Variants in PTPRZ1 observed in about 807,000 individuals in gnomAD.
PTPRZ1 encodes the protein receptor-type tyrosine-protein phosphatase zeta.
PTPRZ1 carries 82 observed loss-of-function variants against 214.1 expected under a neutral mutation model. The observed-to-expected ratio is 0.38, with a 90% CI of 0.32 to 0.46. The LOEUF is 0.46. Among genes scored for constraint, PTPRZ1 ranks in the 20% least tolerant of loss-of-function variants. The probability of loss-of-function intolerance (pLI) is 1.00; values close to 1 mark genes in which losing one functional copy is unlikely to be tolerated. For missense variants in PTPRZ1, 2,603 were observed against 2,748.7 expected, an observed-to-expected ratio of 0.95 and a Z score of 1.19; for synonymous variants, 945 against 987.9, an observed-to-expected ratio of 0.96 and a Z score of 0.81.
intron 2 of PTPRZ1, among the ~76,000 whole-genome samples, chr7:121,958,080 C>G (rs1381611067): frequency 2.6e-5 from 4 of 152,158 alleles, no homozygotes; most frequent in African/African-American, 9.7e-5. Context: ...CATTTCTCAT[C>G]CTTGCGTCTG....
intron 1 of PTPRZ1, among the ~76,000 whole-genome samples, chr7:121,886,506 A>G (rs1794402418): frequency 6.6e-6 from 1 of 151,360 alleles, no homozygotes; most frequent in African/African-American, 2.4e-5. Context: ...CCGTAAAAAT[A>G]ACAACAAACC....
In PTPRZ1 at chr7:121,996,235, G is replaced by T. The variant is rs1798129684; in HGVS notation, c.929-147G>T. Reference sequence around the variant, plus strand: ...AAGAGTATTTTAGATATAGGAAATGGAATAAGCAAAAGCTCCACAGTGGGA... The same window carrying T: ...AAGAGTATTTTAGATATAGGAAATGTAATAAGCAAAAGCTCCACAGTGGGA... On this transcript the variant is annotated intron_variant, in intron 8 of 29. Coordinates refer to ENST00000393386, the MANE Select transcript of PTPRZ1 (RefSeq NM_002851.3). 8.9e-6 allele frequency: 5 copies of T among 563,902 alleles called. No homozygotes were observed. The South Asian group carries it at 1.6e-4, about 18-fold the overall frequency. 34.9% of individuals were successfully genotyped at this position (563,902 alleles called of 1,614,324 possible).
At chr7:122,014,845 A>G (rs773000119) in intron 12 of PTPRZ1, among the ~76,000 whole-genome samples, 1 of 152,218 alleles carries the variant, frequency 6.6e-6, no homozygotes, top group Non-Finnish European at 1.5e-5. Context: ...CTTTATCTTA[A>G]TGTTGCCTAA....
intron 11 of PTPRZ1, among the ~76,000 whole-genome samples, chr7:122,009,223 C>T (rs1190888114): frequency 2.0e-5 from 3 of 152,008 alleles, no homozygotes; most frequent in East Asian, 1.9e-4. Context: ...AGCTTGGAAT[C>T]GTGTGTTTCA....
chr7:121,964,586 A>T (rs1410128280), intron 2 of PTPRZ1, among the ~76,000 whole-genome samples: 1 of 151,896 alleles, frequency 6.6e-6, no homozygotes, highest in Non-Finnish European at 1.5e-5. Context: ...CATATCAAAC[A>T]CCGACTATGT....
chr7:121,995,072 A>G (rs138423000), intron 8 of PTPRZ1, among the ~76,000 whole-genome samples: 150 of 152,328 alleles, frequency 9.8e-4, no homozygotes, highest in African/African-American at 3.2e-3. Flanking sequence ...CATATTGTAC[A>G]TATGCTAAAA....
At chr7:121,943,188 A>G (rs924518922) in intron 2 of PTPRZ1, among the ~76,000 whole-genome samples, 2 of 152,210 alleles carry the variant, frequency 1.3e-5, no homozygotes, top group Non-Finnish European at 2.9e-5. Context: ...AACATTAAAG[A>G]TAATTAAATA....
intron 23 of PTPRZ1, among the ~76,000 whole-genome samples, chr7:122,048,352 AT>A (rs1485150800): frequency 6.6e-6 from 1 of 152,146 alleles, no homozygotes. Context: ...AGTAAATAAT[AT>A]TGAGATTAAA....
At chr7:122,027,161 G>A (rs1799227324) in intron 13 of PTPRZ1, among the ~76,000 whole-genome samples, 1 of 152,138 alleles carries the variant, frequency 6.6e-6, no homozygotes, top group Non-Finnish European at 1.5e-5. Context: ...GCGGCATTTG[G>A]GCCAATGCAA....
rs143455558 is a variant in PTPRZ1 at position 122,013,587 on chromosome 7, A to C, written c.4541A>C (p.Lys1514Thr). Residue 1514 changes from lysine to threonine, a missense_variant, in exon 12 of 30, where the codon AAG becomes ACG. Transcript: ENST00000393386. ...CCATCAGCAAATGGGCTATCCCAAA[A>C]GCACAATGATGGAAAAGAGGAAAAT... ...KSPSANGLSQ[K>T]HNDGKEENDI... is the part of the protein sequence containing the mutation. The C allele has an allele frequency of 6.2e-7, 1 of 1,614,128 alleles. No homozygotes were observed. Among genetic ancestry groups the C allele is most frequent in the African/African-American group, 1.3e-5 (1 of 74,934 alleles).
At chr7:121,985,934 T>A in intron 8 of PTPRZ1, among the ~76,000 whole-genome samples, 1 of 152,298 alleles carries the variant, frequency 6.6e-6, no homozygotes, top group African/African-American at 2.4e-5. Context: ...ATGGCCAAAC[T>A]AAAGTAAAGC....
intron 8 of PTPRZ1, among the ~76,000 whole-genome samples, chr7:121,995,856 A>G (rs575355440): frequency 5.3e-5 from 8 of 152,312 alleles, no homozygotes; most frequent in Non-Finnish European, 1.0e-4. Flanking sequence ...ATATATTTTC[A>G]GGTACCAAAC....
intron 2 of PTPRZ1, among the ~76,000 whole-genome samples, chr7:121,944,240 CCTAG>C (rs1179173766): frequency 6.6e-6 from 1 of 152,066 alleles, no homozygotes; most frequent in African/African-American, 2.4e-5. Context: ...CACATTTATC[CCTAG>C]CAATTTCCAA....
At chr7:122,010,170 A>T (rs999988487) in intron 11 of PTPRZ1, among the ~76,000 whole-genome samples, 164 bp from the exon 12 acceptor site, 4 of 152,138 alleles carry the variant, frequency 2.6e-5, no homozygotes, top group African/African-American at 2.4e-5. Flanking sequence ...TGTAGAGCGG[A>T]TGGTAAAGGT....
In PTPRZ1 at chr7:122,011,336, A is replaced by G; in HGVS notation, c.2290A>G (p.Ser764Gly). ...TGAGACACCTCTTCAACCTTCCTAC[A>G]GTAGTGAAGTCTTTCCTCTAGTCAC... ...NGETPLQPSYSSEVFPLVTPL... is the reference protein window; with the variant it reads ...NGETPLQPSYGSEVFPLVTPL... Residue 764 changes from serine (S) to glycine (G), a missense_variant, in exon 12 of 30, where the codon AGT (serine) becomes GGT (glycine). Around this residue, in one of 6 missense-constraint regions of PTPRZ1, gnomAD observed 1,913 missense variants for 1,914.3 expected, o/e 1.00. Coordinates refer to ENST00000393386, the MANE Select transcript of PTPRZ1 (RefSeq NM_002851.3). 1 of 1,614,178 alleles carries G rather than the reference A, an allele frequency of 6.2e-7. No individual in the cohort carries two copies. The highest frequency in any genetic ancestry group is 8.5e-7 in the Non-Finnish European group (1 of 1,180,018).
chr7:121,976,159 T>G lies in PTPRZ1; in HGVS notation c.457-14T>G. On this transcript the variant is annotated splice_polypyrimidine_tract_variant and intron_variant, in intron 4 of 29. Transcript: ENST00000393386. ...TCTTTGTGTATCATAAAACTATCAT[T>G]GTTACTTTTATAGATGCAAATCTAC... The G allele has an allele frequency of 6.4e-7, 1 of 1,555,792 alleles. No individual in the cohort carries two copies. Among genetic ancestry groups the G allele is most frequent in the South Asian group, 1.1e-5 (1 of 88,676 alleles).
intron 9 of PTPRZ1, 39 bp from the exon 10 acceptor site, chr7:121,997,841 A>G (rs1562852741): frequency 4.5e-6 from 7 of 1,567,732 alleles, no homozygotes; most frequent in Non-Finnish European, 5.2e-6. Flanking sequence ...TAGTCCTATG[A>G]GAATAACATT....
chr7:121,942,588 C>T (rs2116426158), intron 2 of PTPRZ1, among the ~76,000 whole-genome samples: 1 of 152,274 alleles, frequency 6.6e-6, no homozygotes, highest in South Asian at 2.1e-4. Flanking sequence ...CATGCTTGAG[C>T]ACAAGAGAGA....
intron 6 of PTPRZ1, among the ~76,000 whole-genome samples, chr7:121,979,156 C>G (rs1050526680): frequency 5.5e-4 from 84 of 152,036 alleles, no homozygotes; most frequent in African/African-American, 1.9e-3. Context: ...TTCCTGTTTC[C>G]TCTCTAAAGG....
Sources: gnomAD v4.1 joint callset for allele counts (sites outside exome capture counted in the v4.1 genomes callset) on GRCh38, gnomAD v4.1.1 for gene constraint, gnomAD v4.1.1 regional missense constraint, MANE v1.5 for transcripts, NCBI Gene and HGNC (gene_info 2026-07-23, HGNC 2026-07-21) for gene names.